The following SPECC1L variants were observed in gnomAD, a reference collection of about 807,000 sequenced individuals.
SPECC1L encodes the protein sperm antigen with calponin homology and coiled-coil domains 1 like.
SPECC1L carries 40 observed loss-of-function variants against 116.8 expected under a neutral mutation model. The observed-to-expected ratio is 0.34, with a 90% CI of 0.27 to 0.45. SPECC1L has a LOEUF of 0.45. Ranked by LOEUF, SPECC1L falls within the 20% of genes least tolerant of loss-of-function variation. The pLI is 1.00. For missense variants in SPECC1L, 1,110 were observed against 1,373.6 expected, an observed-to-expected ratio of 0.81 and a Z score of 3.03; for synonymous variants, 504 against 500.6, an observed-to-expected ratio of 1.01 and a Z score of -0.09.
chr22:24,327,300 A>AAAC (rs1569422492), intron 6 of SPECC1L, among the ~76,000 whole-genome samples: 10 of 150,550 alleles, frequency 6.6e-5, no homozygotes, highest in African/African-American at 2.2e-4. Flanking sequence ...AAAAAAAAAA[A>AAAC]AACATCAGAA....
At chr22:24,408,208 G>A (rs2042628269) in intron 14 of SPECC1L, among the ~76,000 whole-genome samples, 1 of 152,210 alleles carries the variant, frequency 6.6e-6, no homozygotes. Flanking sequence ...ATTCCAATGA[G>A]ATCAAAGAGA....
intron 14 of SPECC1L, among the ~76,000 whole-genome samples, chr22:24,394,816 C>T (rs1720480421): frequency 6.6e-6 from 1 of 152,182 alleles, no homozygotes. Flanking sequence ...CACCGTATAT[C>T]TTCTTTGTAT....
At position 24,391,868 on chromosome 22, in the gene SPECC1L, C is replaced by T. The variant is rs569752059; in HGVS notation, c.3088-19720C>T. Among the ~76,000 whole-genome samples, 17 of 152,306 alleles carry T rather than the reference C, an allele frequency of 1.1e-4. No homozygotes were observed. The South Asian group carries it at 1.9e-3, about 17-fold the overall frequency. On this transcript the variant is annotated intron_variant, in intron 14 of 16. Transcript: ENST00000314328. Reference sequence around the variant, plus strand: ...ACTTCCACTAATGACATGGAGAAAACCTGCCGAATGTAATAAAATGGTTTG... The same window carrying T: ...ACTTCCACTAATGACATGGAGAAAATCTGCCGAATGTAATAAAATGGTTTG...
intron 1 of SPECC1L, among the ~76,000 whole-genome samples, chr22:24,276,154 A>G (rs1425371690): frequency 6.6e-6 from 1 of 152,078 alleles, no homozygotes; most frequent in African/African-American, 2.4e-5. Flanking sequence ...AGAGGAGAGG[A>G]CTGCTTGAGG....
intron 14 of SPECC1L, among the ~76,000 whole-genome samples, chr22:24,374,323 G>C (rs989384519): frequency 6.6e-6 from 1 of 151,838 alleles, no homozygotes; most frequent in Non-Finnish European, 1.5e-5. Context: ...ACATGCACAC[G>C]TATGTTTATT....
At chr22:24,371,635 C>CT (rs1328232319) in intron 14 of SPECC1L, among the ~76,000 whole-genome samples, 1 of 152,134 alleles carries the variant, frequency 6.6e-6, no homozygotes, top group East Asian at 1.9e-4. Context: ...AGAAAATGCT[C>CT]TGAGAACAAA....
At chr22:24,395,332 C>CT (rs1284741286) in intron 14 of SPECC1L, among the ~76,000 whole-genome samples, 2 of 152,002 alleles carry the variant, frequency 1.3e-5, no homozygotes, top group Non-Finnish European at 2.9e-5. Flanking sequence ...TTGAGGTGAA[C>CT]TTTTTGGCCT....
rs765402107 is a variant in SPECC1L at position 24,340,140 on chromosome 22, C to CTTTTTTTTT, written c.2652+1681_2652+1689dup. Among the ~76,000 whole-genome samples the CTTTTTTTTT allele has an allele frequency of 1.1e-4, 12 of 105,140 alleles. 1 individual carries two copies. The highest frequency in any genetic ancestry group is 5.1e-4 in the African/African-American group (11 of 21,704). 69.0% of individuals were successfully genotyped at this position (105,140 alleles called of 152,430 possible). On this transcript the variant is annotated intron_variant, in intron 10 of 16. Transcript: ENST00000314328. Reference sequence around the variant, plus strand: ...AATACTGTTCCACCAATTTAATGACCTTTTTTTTTTTTTTTTTTTTTTTTT... The same window carrying CTTTTTTTTT: ...AATACTGTTCCACCAATTTAATGACCTTTTTTTTTTTTTTTTTTTTTTTTTTTTTTTTTT...
At chr22:24,333,003 C>T (rs934102036) in intron 8 of SPECC1L, among the ~76,000 whole-genome samples, 3 of 152,008 alleles carry the variant, frequency 2.0e-5, no homozygotes, top group Non-Finnish European at 4.4e-5. Flanking sequence ...CCTAGGTGAG[C>T]GGATCACCTG....
At chr22:24,298,332 G>A (rs1024025415) in intron 2 of SPECC1L, among the ~76,000 whole-genome samples, 1 of 152,208 alleles carries the variant, frequency 6.6e-6, no homozygotes, top group Non-Finnish European at 1.5e-5. Context: ...CATAAGTTGA[G>A]CAGCGTCTTT....
intron 2 of SPECC1L, among the ~76,000 whole-genome samples, chr22:24,287,410 C>G (rs536689673): frequency 1.3e-5 from 2 of 152,218 alleles, no homozygotes; most frequent in African/African-American, 4.8e-5. Context: ...GGGAGGGCGA[C>G]AGGAGGCTGC....
chr22:24,391,151 G>C (rs529811994), intron 14 of SPECC1L, among the ~76,000 whole-genome samples: 1 of 151,738 alleles, frequency 6.6e-6, no homozygotes, highest in Non-Finnish European at 1.5e-5. Context: ...CTGGGATTAC[G>C]GGTGTGAGCC....
chr22:24,285,959 GA>G (rs2049037323), intron 2 of SPECC1L, among the ~76,000 whole-genome samples: 1 of 152,338 alleles, frequency 6.6e-6, no homozygotes, highest in South Asian at 2.1e-4. Flanking sequence ...TTTTTGAAAA[GA>G]AAATCTTGAT....
intron 14 of SPECC1L, among the ~76,000 whole-genome samples, chr22:24,386,508 A>G (rs557836298): frequency 1.9e-4 from 29 of 152,292 alleles, no homozygotes; most frequent in African/African-American, 7.0e-4. Flanking sequence ...AGACATGAGT[A>G]TGATGTAGGA....
At chr22:24,296,555 C>A (rs2049266965) in intron 2 of SPECC1L, among the ~76,000 whole-genome samples, 1 of 152,182 alleles carries the variant, frequency 6.6e-6, no homozygotes, top group African/African-American at 2.4e-5. Flanking sequence ...GATGTGACAC[C>A]CTTGAGCAAA....
intron 14 of SPECC1L, among the ~76,000 whole-genome samples, chr22:24,371,311 A>C (rs2041866395): frequency 6.6e-6 from 1 of 152,138 alleles, no homozygotes; most frequent in Admixed American, 6.6e-5. Context: ...AGTCTCATTA[A>C]ATTTAAAAAG....
intron 2 of SPECC1L, among the ~76,000 whole-genome samples, chr22:24,285,451 AGT>A (rs2049022474): frequency 1.3e-5 from 2 of 152,200 alleles, no homozygotes; most frequent in Non-Finnish European, 2.9e-5. Context: ...ACTAATAAGT[AGT>A]GGAGTTGTTA....
intron 3 of SPECC1L, 145 bp downstream of exon 3, chr22:24,302,529 G>C (rs964713383): frequency 4.8e-6 from 5 of 1,040,632 alleles, no homozygotes; most frequent in Non-Finnish European, 7.4e-6. Context: ...CTTACAGTGG[G>C]GTGGACCTAA....
intron 10 of SPECC1L, among the ~76,000 whole-genome samples, chr22:24,339,385 T>C (rs2041125304): frequency 6.6e-6 from 1 of 152,190 alleles, no homozygotes; most frequent in Non-Finnish European, 1.5e-5. Context: ...ATGAGGGCTG[T>C]TTTGTAACAG....
Sources: gnomAD v4.1 joint callset for allele counts (sites outside exome capture counted in the v4.1 genomes callset) on GRCh38, gnomAD v4.1.1 for gene constraint, MANE v1.5 for transcripts, NCBI Gene and HGNC (gene_info 2026-07-23, HGNC 2026-07-21) for gene names.